The following SAV1 variants were observed in gnomAD, a reference collection of about 807,000 sequenced individuals.
The protein encoded by SAV1 is protein salvador homolog 1.
SAV1 carries 23 observed loss-of-function variants against 47.3 expected under a neutral mutation model. The observed-to-expected ratio is 0.49, with a 90% CI of 0.35 to 0.69. The LOEUF (loss-of-function observed/expected upper bound fraction) is 0.69, where lower values mean the gene tolerates loss of function less well. Ranked by LOEUF, SAV1 falls within the 30% of genes least tolerant of loss-of-function variation. The probability of loss-of-function intolerance (pLI) is 0.01; values close to 1 mark genes in which losing one functional copy is unlikely to be tolerated. For missense variants in SAV1, 448 were observed against 457.4 expected (o/e 0.98, Z 0.19); for synonymous variants, 155 against 159.2 (o/e 0.97, Z 0.20).
At chr14:50,636,514 C>A (rs1397363108) in intron 4 of SAV1, among the ~76,000 whole-genome samples, 1 of 152,160 alleles carries the variant, frequency 6.6e-6, no homozygotes, top group Non-Finnish European at 1.5e-5. Context: ...GAAGGATTCA[C>A]AAAAGATTCT....
rs2039920474 is a variant in SAV1 at position 50,668,077 on chromosome 14, C to G, written c.-110G>C. ...CCGGCGCCGCCGCCTCCTTCCCTCC[C>G]GAGCCGCCGCCTCCGCCGCCGCCTG... On this transcript the variant is annotated 5_prime_UTR_variant, in exon 1 of 5. Coordinates refer to ENST00000324679, the MANE Select transcript of SAV1 (RefSeq NM_021818.4). The G allele has an allele frequency of 3.2e-5, 21 of 653,808 alleles. No individual in the cohort carries two copies. The highest frequency in any genetic ancestry group is 1.7e-4 in the African/African-American group (9 of 51,464). The allele number at this position is 653,808 out of a possible 1,614,324, so 40.5% of individuals were successfully genotyped here.
chr14:50,665,905 C>A (rs2039898210), intron 1 of SAV1, among the ~76,000 whole-genome samples: 1 of 152,010 alleles, frequency 6.6e-6, no homozygotes, highest in South Asian at 2.1e-4. Flanking sequence ...GATAAAATAT[C>A]AATAATCTTA....
At chr14:50,665,784 G>A (rs1408912196) in intron 1 of SAV1, among the ~76,000 whole-genome samples, 165 bp from the exon 2 acceptor site, 1 of 152,104 alleles carries the variant, frequency 6.6e-6, no homozygotes, top group Non-Finnish European at 1.5e-5. Context: ...TTTAAATTGA[G>A]GAAGATTAAT....
At position 50,667,883 on chromosome 14, in the gene SAV1, G is replaced by C. The variant is rs766539036; in HGVS notation, c.85C>G (p.Leu29Val). The change falls in exon 1 of 5, where the codon CTG becomes GTG. Residue 29 changes from leucine to valine, a missense_variant. Physicochemically the swap from Leu to Val is conservative, Grantham distance 32 (BLOSUM62 1). Coordinates refer to ENST00000324679, the MANE Select transcript of SAV1 (RefSeq NM_021818.4). ...CCCGCCTGACACTCACTCCGAAGCA[G>C]AGGCGACGTCTCCTTCTTCACGTAC... is the stretch of plus-strand genomic sequence containing the variant. ...GKYVKKETSPLLRNLMPSFIR... is the reference protein window; with the variant it reads ...GKYVKKETSPVLRNLMPSFIR... 7 of 1,612,958 alleles carry C rather than the reference G, an allele frequency of 4.3e-6. No individual in the cohort carries two copies. In the East Asian group the frequency reaches 1.6e-4, roughly 36 times the overall value.
intron 3 of SAV1, among the ~76,000 whole-genome samples, chr14:50,641,186 A>G (rs1255598153): frequency 6.6e-6 from 1 of 152,238 alleles, no homozygotes; most frequent in African/African-American, 2.4e-5. Context: ...CTGTAAATTC[A>G]TATCAGAAAG....
chr14:50,655,846 G>A (rs897678833), intron 2 of SAV1, among the ~76,000 whole-genome samples: 1 of 150,196 alleles, frequency 6.7e-6, no homozygotes, highest in Non-Finnish European at 1.5e-5. Context: ...AGGAGTTCAC[G>A]ACCAGCCTGA....
intron 2 of SAV1, among the ~76,000 whole-genome samples, chr14:50,649,208 C>T (rs1276587649): frequency 6.6e-6 from 1 of 152,246 alleles, no homozygotes; most frequent in African/African-American, 2.4e-5. Flanking sequence ...CTTATTCTTA[C>T]TATGGCAGTC....
Position 50,668,232 on chromosome 14 carries a change from T to A in SAV1, c.-265A>T. ...TCTGCGACGCTGCTCGGGGACGCCG[T>A]GAGGAAAGCCCAGCGACGCCGGGCC... is the stretch of plus-strand genomic sequence containing the variant. On this transcript the variant is annotated 5_prime_UTR_variant, in exon 1 of 5. Transcript: ENST00000324679. The A allele has an allele frequency of 4.8e-6, 1 of 208,846 alleles. No individual in the cohort carries two copies. Among genetic ancestry groups the A allele is most frequent in the Non-Finnish European group, 9.1e-6 (1 of 109,482 alleles). 12.9% of individuals were successfully genotyped at this position (208,846 alleles called of 1,614,324 possible).
chr14:50,658,860 G>C (rs1299693330), intron 2 of SAV1, among the ~76,000 whole-genome samples: 1 of 151,970 alleles, frequency 6.6e-6, no homozygotes, highest in Non-Finnish European at 1.5e-5. Flanking sequence ...CTCATATTCA[G>C]ATTTTTCCCT....
chr14:50,654,218 A>G (rs1034954925), intron 2 of SAV1, among the ~76,000 whole-genome samples: 1 of 152,228 alleles, frequency 6.6e-6, no homozygotes, highest in African/African-American at 2.4e-5. Context: ...CCACAGTAGC[A>G]TTTCTTTCAA....
chr14:50,640,924 T>G (rs2039676816), intron 3 of SAV1, 31 bp from the exon 4 acceptor site: 1 of 1,554,758 alleles, frequency 6.4e-7, no homozygotes, highest in African/African-American at 1.4e-5. Flanking sequence ...TTCTTTAGGA[T>G]AAAGGTCTTA....
intron 4 of SAV1, among the ~76,000 whole-genome samples, chr14:50,638,857 T>TC (rs11415433): frequency 0.044 from 6,659 of 152,268 alleles, 142 homozygotes; most frequent in Middle Eastern, 0.051. Flanking sequence ...AACCTCCGCC[T>TC]CCCGGGTTCA....
At chr14:50,663,195 T>C (rs932498153) in intron 2 of SAV1, 5 of 152,110 alleles carry the variant, frequency 3.3e-5, no homozygotes, top group Non-Finnish European at 7.3e-5. Context: ...TATTATATAA[T>C]CACATCCATG....
intron 2 of SAV1, among the ~76,000 whole-genome samples, chr14:50,660,055 CA>C (rs1445045358): frequency 6.6e-6 from 1 of 152,152 alleles, no homozygotes; most frequent in Non-Finnish European, 1.5e-5. Context: ...CTGGCAGTCA[CA>C]AACACTACTG....
chr14:50,649,371 C>T (rs1222906995), intron 2 of SAV1, among the ~76,000 whole-genome samples: 7 of 152,212 alleles, frequency 4.6e-5, no homozygotes, highest in Non-Finnish European at 1.0e-4. Flanking sequence ...AGATACATCT[C>T]CAGTCTCTAG....
chr14:50,642,449 A>G (rs1273834377), intron 3 of SAV1, among the ~76,000 whole-genome samples: 1 of 151,538 alleles, frequency 6.6e-6, no homozygotes, highest in African/African-American at 2.4e-5. Flanking sequence ...AGATCGCGCC[A>G]CTGCACTCCA....
chr14:50,658,244 T>A (rs1161560056), intron 2 of SAV1, among the ~76,000 whole-genome samples: 2 of 152,248 alleles, frequency 1.3e-5, no homozygotes, highest in South Asian at 2.1e-4. Context: ...GCTCACACTT[T>A]TCAGTCTGAT....
intron 3 of SAV1, among the ~76,000 whole-genome samples, chr14:50,641,368 A>G (rs1365279636): frequency 1.4e-5 from 2 of 147,800 alleles, no homozygotes; most frequent in Admixed American, 7.0e-5. Flanking sequence ...AGTTGATCAG[A>G]ACCTATTTTA....
intron 4 of SAV1, among the ~76,000 whole-genome samples, chr14:50,637,296 A>C (rs2039642269): frequency 6.6e-6 from 1 of 152,198 alleles, no homozygotes; most frequent in Non-Finnish European, 1.5e-5. Flanking sequence ...TACTGTAAGA[A>C]ATACTCAATG....
Sources: gnomAD v4.1 joint callset for allele counts (sites outside exome capture counted in the v4.1 genomes callset) on GRCh38, gnomAD v4.1.1 for gene constraint, MANE v1.5 for transcripts, NCBI Gene and HGNC (gene_info 2026-07-23, HGNC 2026-07-21) for gene names.